Variants in GATA4 observed in about 807,000 individuals in gnomAD.
GATA4 encodes transcription factor GATA-4.
In GATA4, 7 loss-of-function variants were observed where a neutral mutation model predicts 37.9. The observed-to-expected ratio is 0.18, with a 90% CI of 0.11 to 0.35. The LOEUF (loss-of-function observed/expected upper bound fraction) is 0.35. GATA4 is among the 10% of genes least tolerant of loss of function. The pLI, the probability that GATA4 is intolerant of heterozygous loss-of-function variation, is 1.00. For synonymous variants in GATA4, 372 were observed against 292.6 expected, an observed-to-expected ratio of 1.27 and a Z score of -2.77; for missense variants, 647 against 653.0, an observed-to-expected ratio of 0.99 and a Z score of 0.10.
intron 1 of GATA4, chr8:11,683,066 C>A (rs960006200): frequency 9.7e-5 from 96 of 985,188 alleles, no homozygotes; most frequent in Non-Finnish European, 1.1e-4. Flanking sequence ...GTGTCTCTTA[C>A]CCCCTAGGTT....
intron 2 of GATA4, among the ~76,000 whole-genome samples, chr8:11,743,105 G>T (rs1429231944): frequency 6.6e-6 from 1 of 152,232 alleles, no homozygotes; most frequent in South Asian, 2.1e-4. Flanking sequence ...CTCCCTGAAC[G>T]TCCAGGATGC....
intron 1 of GATA4, among the ~76,000 whole-genome samples, chr8:11,687,445 C>G (rs1189528992): frequency 2.6e-5 from 4 of 152,186 alleles, no homozygotes; most frequent in African/African-American, 9.7e-5. Flanking sequence ...CCTCTTGGCC[C>G]TGCTTCAAAC....
At chr8:11,694,276 G>A (rs1799436840) in intron 1 of GATA4, among the ~76,000 whole-genome samples, 1 of 152,188 alleles carries the variant, frequency 6.6e-6, no homozygotes, top group Admixed American at 6.5e-5. Flanking sequence ...CTGGATCAGA[G>A]GGCTTGTAGG....
At chr8:11,714,045 A>G (rs1391754260) in intron 2 of GATA4, among the ~76,000 whole-genome samples, 2 of 152,226 alleles carry the variant, frequency 1.3e-5, no homozygotes, top group Non-Finnish European at 2.9e-5. Flanking sequence ...GCTTGTGAGT[A>G]CTTAAGGCTG....
chr8:11,697,176 C>T (rs1400669187), intron 1 of GATA4, among the ~76,000 whole-genome samples: 1 of 152,246 alleles, frequency 6.6e-6, no homozygotes, highest in African/African-American at 2.4e-5. Context: ...TGTTCATTAG[C>T]ACCTCTGCTG....
chr8:11,730,598 G>T (rs1478907168), intron 2 of GATA4, among the ~76,000 whole-genome samples: 1 of 152,228 alleles, frequency 6.6e-6, no homozygotes. Context: ...AGAGGAGGAT[G>T]GCTCCTGGGT....
intron 1 of GATA4, among the ~76,000 whole-genome samples, chr8:11,683,828 G>A (rs1374773049): frequency 2.6e-5 from 4 of 152,272 alleles, no homozygotes; most frequent in South Asian, 2.1e-4. Flanking sequence ...ACAATGCCTG[G>A]GCCAGGCCCC....
At chr8:11,737,152 C>T (rs1052158875) in intron 2 of GATA4, among the ~76,000 whole-genome samples, 6 of 151,958 alleles carry the variant, frequency 3.9e-5, no homozygotes, top group African/African-American at 1.5e-4. Context: ...CCCAGACACC[C>T]CCGAGAGGGG....
In GATA4 at chr8:11,709,015, A is replaced by G. The variant is rs1032659833; in HGVS notation, c.616+87A>G. 10 of 1,336,974 alleles carry G rather than the reference A, an allele frequency of 7.5e-6. No homozygotes were observed. Among genetic ancestry groups the G allele is most frequent in the South Asian group, 1.5e-5 (1 of 68,636 alleles). 82.8% of individuals were successfully genotyped at this position (1,336,974 alleles called of 1,614,324 possible). ...GTCGAGGGCCTCTTGTTTTTCCACC[A>G]ACGCCTTCGTTGGGCTGGGGATGGT... On this transcript the variant is annotated intron_variant, in intron 2 of 6. Transcript: ENST00000532059. The surrounding 1 kb of genome is among the most constrained non-coding windows in gnomAD (Gnocchi z 4.3).
At position 11,757,044 on chromosome 8, in the gene GATA4, C is replaced by T. The variant is rs768457870; in HGVS notation, c.1110C>T (p.Gly370=). 3.1e-6 allele frequency: 5 copies of T among 1,614,106 alleles called. No homozygotes were observed. The African/African-American group carries it at 4.0e-5, about 13-fold the overall frequency. ...TGCGTCCCATCAAGACGGAGCCTGG[C>T]CTGTCATCTCACTACGGGCACAGCA... ...EEMRPIKTEP[G]LSSHYGHSSS... The change falls in exon 6 of 7, where the codon GGC becomes GGT. Residue 370 remains glycine (G), a synonymous_variant. Transcript: ENST00000532059.
chr8:11,743,396 G>A (rs1243574350), intron 2 of GATA4, among the ~76,000 whole-genome samples: 2 of 152,230 alleles, frequency 1.3e-5, no homozygotes, highest in Non-Finnish European at 1.5e-5. Flanking sequence ...TGAGGGTGAG[G>A]GTCTTCCAAC....
At chr8:11,680,197 G>T (rs769239693) in intron 1 of GATA4, among the ~76,000 whole-genome samples, 4 of 152,176 alleles carry the variant, frequency 2.6e-5, no homozygotes, top group Non-Finnish European at 4.4e-5. Context: ...GCCGCTTAAC[G>T]TCCGGAATGT....
At chr8:11,755,324 G>C (rs1802502055) in intron 5 of GATA4, among the ~76,000 whole-genome samples, 191 bp downstream of exon 5, 1 of 152,172 alleles carries the variant, frequency 6.6e-6, no homozygotes, top group South Asian at 2.1e-4. Context: ...GAACGTGTTG[G>C]GAGCTTTCGA....
intron 1 of GATA4, chr8:11,697,921 C>A: frequency 3.0e-6 from 3 of 985,486 alleles, no homozygotes; most frequent in Non-Finnish European, 2.4e-6. Context: ...CCCACCAGTC[C>A]CCTGATGTGC....
In GATA4 at chr8:11,736,472, C is replaced by T. The variant is rs577397431; in HGVS notation, c.617-12444C>T. Among the ~76,000 whole-genome samples the T allele has an allele frequency of 1.3e-3, 192 of 152,348 alleles. 14 individuals carry two copies. Among genetic ancestry groups the T allele is most frequent in the Admixed American group, 9.1e-4 (14 of 15,308 alleles). Reference sequence around the variant, plus strand: ...CTGCCTTTAAGTCTGGTCTGCGTGGCTTCTGATAGCGAAGCCAGGGGCGGA... The same window carrying T: ...CTGCCTTTAAGTCTGGTCTGCGTGGTTTCTGATAGCGAAGCCAGGGGCGGA... On this transcript the variant is annotated intron_variant, in intron 2 of 6. Transcript: ENST00000532059.
chr8:11,709,584 G>GC lies in GATA4; in HGVS notation c.616+656_616+657insC, dbSNP rs1041409520. On this transcript the variant is annotated intron_variant, in intron 2 of 6. Coordinates refer to ENST00000532059, the MANE Select transcript of GATA4 (RefSeq NM_001308093.3). The surrounding 1 kb of genome is among the most constrained non-coding windows in gnomAD (Gnocchi z 4.3). Reference sequence around the variant, plus strand: ...CGCATCATGCGGGCAGCGGGGGGGGGGGCGCACACGCCCGGTCAGTGTCCG... The same window carrying GC: ...CGCATCATGCGGGCAGCGGGGGGGGGCGGCGCACACGCCCGGTCAGTGTCCG... 2.2e-4 allele frequency among the ~76,000 whole-genome samples: 33 copies of GC among 151,980 alleles called. 1 individual carries two copies. The highest frequency in any genetic ancestry group is 6.5e-4 in the Admixed American group (10 of 15,282).
intron 1 of GATA4, among the ~76,000 whole-genome samples, chr8:11,706,888 G>A (rs530870811): frequency 2.6e-4 from 39 of 152,290 alleles, no homozygotes; most frequent in African/African-American, 9.1e-4. Flanking sequence ...GGACCTGGAG[G>A]TAATTCAGAC....
chr8:11,731,176 TGAG>T (rs1296343059), intron 2 of GATA4, among the ~76,000 whole-genome samples: 3 of 152,246 alleles, frequency 2.0e-5, no homozygotes, highest in African/African-American at 7.2e-5. Flanking sequence ...GACCCGGTTT[TGAG>T]GAGTTTCCTG....
At chr8:11,758,141 A>C in intron 6 of GATA4, 152 bp from the exon 7 acceptor site, 1 of 739,390 alleles carries the variant, frequency 1.4e-6, no homozygotes, top group Non-Finnish European at 2.4e-6. Context: ...CACCGGGATC[A>C]GGAGAAACAG....
Sources: allele counts gnomAD v4.1 joint callset (sites outside exome capture counted in the v4.1 genomes callset), GRCh38; gene constraint gnomAD v4.1.1; non-coding constraint Gnocchi (gnomAD v3.1); transcripts MANE v1.5; gene names NCBI Gene and HGNC (gene_info 2026-07-23, HGNC 2026-07-21).